Variants in ERBB4 observed in about 807,000 individuals in gnomAD.
ERBB4 encodes the protein receptor tyrosine-protein kinase erbB-4.
In ERBB4, 42 loss-of-function variants were observed where a neutral mutation model predicts 158.0. That is an observed-to-expected ratio of 0.27 (90% CI 0.21 to 0.34). The LOEUF is 0.34. ERBB4 is among the 10% of genes least tolerant of loss of function. The pLI, the probability that ERBB4 is intolerant of heterozygous loss-of-function variation, is 1.00. For synonymous variants in ERBB4, 583 were observed against 558.7 expected (o/e 1.04, Z -0.61); for missense variants, 1,333 against 1,624.1 (o/e 0.82, Z 3.08).
intron 5 of ERBB4, among the ~76,000 whole-genome samples, chr2:211,747,474 A>G (rs1022856248): frequency 6.6e-6 from 1 of 152,204 alleles, no homozygotes; most frequent in East Asian, 1.9e-4. Context: ...AAACATGGCT[A>G]CTGGGGCTGA....
At chr2:211,727,527 G>T (rs2074304872) in intron 5 of ERBB4, among the ~76,000 whole-genome samples, 1 of 151,766 alleles carries the variant, frequency 6.6e-6, no homozygotes, top group African/African-American at 2.4e-5. Context: ...TCTCCTCAGG[G>T]CTTAATATAT....
Position 212,378,597 on chromosome 2 carries a change from T to A in ERBB4, c.82+159852A>T, listed in dbSNP as rs373578340. ...AGGCCATCATTCAAAGCGCTCATTT[T>A]TTTTTCCCCTTCCCTGGTCAAATTC... On this transcript the variant is annotated intron_variant, in intron 1 of 27. Transcript: ENST00000342788. 3.9e-5 allele frequency among the ~76,000 whole-genome samples: 6 copies of A among 152,010 alleles called. No individual in the cohort carries two copies. The East Asian group carries it at 9.7e-4, about 25-fold the overall frequency.
intron 20 of ERBB4, among the ~76,000 whole-genome samples, chr2:211,473,061 C>T (rs981435493): frequency 2.6e-5 from 4 of 151,770 alleles, no homozygotes; most frequent in African/African-American, 9.7e-5. Context: ...GGGGTCTTTG[C>T]AAATGTGATT....
At chr2:212,156,402 A>G (rs958221954) in intron 1 of ERBB4, among the ~76,000 whole-genome samples, 1 of 152,128 alleles carries the variant, frequency 6.6e-6, no homozygotes, top group Non-Finnish European at 1.5e-5. Context: ...ATTTCTGTAT[A>G]AATAGAAGTG....
intron 16 of ERBB4, among the ~76,000 whole-genome samples, chr2:211,644,402 TG>T (rs1009869199): frequency 5.9e-5 from 9 of 151,962 alleles, no homozygotes; most frequent in African/African-American, 2.2e-4. Flanking sequence ...GGCGATGTTA[TG>T]ATTCGGCAGA....
chr2:211,587,215 G>T (rs913401883), intron 19 of ERBB4, among the ~76,000 whole-genome samples: 1 of 151,854 alleles, frequency 6.6e-6, no homozygotes. Context: ...AAATAGCCAG[G>T]CGTGGTGGCG....
intron 1 of ERBB4, among the ~76,000 whole-genome samples, chr2:212,511,491 G>C (rs1014709249): frequency 2.7e-5 from 4 of 150,342 alleles, no homozygotes; most frequent in African/African-American, 9.7e-5. Context: ...TTATATTATT[G>C]TACAACAGCT....
At chr2:212,295,179 C>G (rs1346601093) in intron 1 of ERBB4, among the ~76,000 whole-genome samples, 1 of 152,102 alleles carries the variant, frequency 6.6e-6, no homozygotes, top group African/African-American at 2.4e-5. Flanking sequence ...GTCCTCAATG[C>G]ATGGGTGACT....
chr2:211,903,493 A>G (rs1015266374), intron 3 of ERBB4, among the ~76,000 whole-genome samples: 5 of 152,162 alleles, frequency 3.3e-5, no homozygotes, highest in South Asian at 2.1e-4. Flanking sequence ...TGAGAGTAAT[A>G]TACATGAAAT....
chr2:211,565,350 T>A (rs941552136), intron 19 of ERBB4, among the ~76,000 whole-genome samples: 1 of 152,128 alleles, frequency 6.6e-6, no homozygotes, highest in Non-Finnish European at 1.5e-5. Context: ...GAAAGGTACA[T>A]AACCATTGCT....
chr2:212,477,025 T>C (rs1574992490), intron 1 of ERBB4, among the ~76,000 whole-genome samples: 1 of 152,254 alleles, frequency 6.6e-6, no homozygotes. Flanking sequence ...TAAAATGGTA[T>C]AGTAATGGTA....
At chr2:212,311,801 G>A (rs916110136) in intron 1 of ERBB4, among the ~76,000 whole-genome samples, 10 of 150,948 alleles carry the variant, frequency 6.6e-5, no homozygotes, top group African/African-American at 2.4e-4. Flanking sequence ...TTTCCCAGAT[G>A]GAAGAAATTA....
At chr2:211,407,454 A>T (rs1160351147) in intron 25 of ERBB4, among the ~76,000 whole-genome samples, 1 of 152,226 alleles carries the variant, frequency 6.6e-6, no homozygotes, top group Non-Finnish European at 1.5e-5. Context: ...GAAACAATTA[A>T]GTATGAATGT....
chr2:211,999,063 C>T (rs1183810642), intron 2 of ERBB4, among the ~76,000 whole-genome samples: 1 of 151,522 alleles, frequency 6.6e-6, no homozygotes, highest in Non-Finnish European at 1.5e-5. Flanking sequence ...CAAACTAGAA[C>T]ATGTCTCTCA....
At chr2:211,835,710 G>A (rs1282553784) in intron 3 of ERBB4, among the ~76,000 whole-genome samples, 1 of 151,996 alleles carries the variant, frequency 6.6e-6, no homozygotes, top group Non-Finnish European at 1.5e-5. Context: ...AGGTTCTGAT[G>A]AAGACAAATC....
intron 2 of ERBB4, among the ~76,000 whole-genome samples, chr2:212,013,931 T>G (rs542954526): frequency 1.3e-5 from 2 of 152,318 alleles, no homozygotes; most frequent in Admixed American, 6.5e-5. Flanking sequence ...GCCACCCAGT[T>G]TGTCATACGT....
intron 1 of ERBB4, among the ~76,000 whole-genome samples, chr2:212,503,220 T>C (rs1287235355): frequency 1.3e-5 from 2 of 152,226 alleles, no homozygotes; most frequent in African/African-American, 4.8e-5. Context: ...TTTGTTGTTG[T>C]TTTGTTCTAT....
chr2:211,971,962 G>A (rs1408458502), intron 2 of ERBB4, among the ~76,000 whole-genome samples: 1 of 152,158 alleles, frequency 6.6e-6, no homozygotes, highest in Non-Finnish European at 1.5e-5. Context: ...TAGAAAGAGA[G>A]GAAGTCAAAC....
Position 212,486,607 on chromosome 2 carries a change from C to T in ERBB4, c.82+51842G>A, listed in dbSNP as rs115338568. ...TAATGATAAAAGAAAAGTAGGAGTT[C>T]TAAGACACAGATAAATTTGAACCAA... On this transcript the variant is annotated intron_variant, in intron 1 of 27. Coordinates refer to ENST00000342788, the MANE Select transcript of ERBB4 (RefSeq NM_005235.3). Among the ~76,000 whole-genome samples, 332 of 152,142 alleles carry T rather than the reference C, an allele frequency of 2.2e-3. 1 individual carries two copies. Among genetic ancestry groups the T allele is most frequent in the African/African-American group, 7.5e-3 (310 of 41,518 alleles).
Sources: allele counts gnomAD v4.1 joint callset (sites outside exome capture counted in the v4.1 genomes callset), GRCh38; gene constraint gnomAD v4.1.1; transcripts MANE v1.5; gene names NCBI Gene and HGNC (gene_info 2026-07-23, HGNC 2026-07-21).